The following CACNA2D3 variants were observed in gnomAD, a reference collection of about 807,000 sequenced individuals.
CACNA2D3 encodes the protein calcium voltage-gated channel auxiliary subunit alpha2delta 3, also known as voltage-dependent calcium channel subunit alpha-2/delta-3.
Under a neutral mutation model 160.6 loss-of-function variants are expected in CACNA2D3, and 60 were observed. The observed-to-expected ratio is 0.37, with a 90% confidence interval of 0.30 to 0.46. CACNA2D3 has a LOEUF of 0.46. Among genes scored for constraint, CACNA2D3 ranks in the 20% least tolerant of loss-of-function variants. CACNA2D3 has a pLI of 1.00. For missense variants in CACNA2D3, 1,205 were observed against 1,365.0 expected (o/e 0.88, Z 1.85); for synonymous variants, 558 against 492.9 (o/e 1.13, Z -1.75).
At chr3:54,568,926 T>G in intron 6 of CACNA2D3, among the ~76,000 whole-genome samples, 1 of 152,196 alleles carries the variant, frequency 6.6e-6, no homozygotes, top group East Asian at 1.9e-4. Flanking sequence ...AAAAAAAGAA[T>G]CTCAATGCCA....
intron 31 of CACNA2D3, among the ~76,000 whole-genome samples, chr3:54,994,029 A>G (rs528806824): frequency 1.2e-3 from 186 of 151,586 alleles, no homozygotes; most frequent in African/African-American, 4.2e-3. Flanking sequence ...TATTTTCCCT[A>G]TGGGATCTGG....
At chr3:54,244,912 T>C (rs767460636) in intron 2 of CACNA2D3, among the ~76,000 whole-genome samples, 4 of 152,256 alleles carry the variant, frequency 2.6e-5, no homozygotes, top group Non-Finnish European at 4.4e-5. Context: ...CTGGGATCCA[T>C]TGAAGTTCTA....
intron 13 of CACNA2D3, among the ~76,000 whole-genome samples, chr3:54,784,782 A>T (rs993009064): frequency 3.0e-4 from 46 of 152,156 alleles, no homozygotes; most frequent in Admixed American, 3.0e-3. Context: ...AGGGGACCTG[A>T]CCCCAGATGG....
intron 2 of CACNA2D3, among the ~76,000 whole-genome samples, chr3:54,220,468 A>G (rs1701546829): frequency 1.3e-5 from 2 of 152,178 alleles, no homozygotes; most frequent in African/African-American, 4.8e-5. Flanking sequence ...AAACGAAGCC[A>G]CACTCGAATG....
At chr3:54,275,182 C>T (rs1164758892) in intron 2 of CACNA2D3, among the ~76,000 whole-genome samples, 1 of 152,176 alleles carries the variant, frequency 6.6e-6, no homozygotes, top group Admixed American at 6.5e-5. Flanking sequence ...ACCCACTTTG[C>T]TGTTCCCTCT....
chr3:54,133,520 T>C (rs1434098842), intron 2 of CACNA2D3, among the ~76,000 whole-genome samples: 1 of 152,204 alleles, frequency 6.6e-6, no homozygotes, highest in Non-Finnish European at 1.5e-5. Flanking sequence ...GGTGGAAACT[T>C]CTCCACACCC....
chr3:54,967,919 A>T (rs1249026280), intron 27 of CACNA2D3, among the ~76,000 whole-genome samples: 3 of 152,178 alleles, frequency 2.0e-5, no homozygotes, highest in Non-Finnish European at 2.9e-5. Context: ...CATGGGAGAG[A>T]AGAACCTTGA....
chr3:54,382,838 G>A (rs1268397630), intron 3 of CACNA2D3, among the ~76,000 whole-genome samples: 1 of 152,168 alleles, frequency 6.6e-6, no homozygotes, highest in Non-Finnish European at 1.5e-5. Context: ...CTGTCCCCAT[G>A]ACTCAGCTTT....
intron 11 of CACNA2D3, among the ~76,000 whole-genome samples, chr3:54,707,367 G>C (rs1483827602): frequency 6.6e-6 from 1 of 152,164 alleles, no homozygotes; most frequent in Non-Finnish European, 1.5e-5. Context: ...GTTCCCATTG[G>C]CTTTTAGTTC....
chr3:54,325,932 G>T (rs1704112453), intron 3 of CACNA2D3, among the ~76,000 whole-genome samples: 1 of 152,104 alleles, frequency 6.6e-6, no homozygotes, highest in Admixed American at 6.5e-5. Context: ...AGAGTGTTTT[G>T]CTTAAAAATA....
intron 13 of CACNA2D3, among the ~76,000 whole-genome samples, chr3:54,779,470 G>A (rs538899584): frequency 1.3e-5 from 2 of 152,274 alleles, no homozygotes; most frequent in East Asian, 3.9e-4. Flanking sequence ...TGGGCATTCA[G>A]GAAATCCTTG....
At chr3:54,658,932 A>G (rs1699921643) in intron 11 of CACNA2D3, among the ~76,000 whole-genome samples, 1 of 152,054 alleles carries the variant, frequency 6.6e-6, no homozygotes, top group Non-Finnish European at 1.5e-5. Context: ...CAGGCATGCA[A>G]GATACACAAC....
intron 2 of CACNA2D3, among the ~76,000 whole-genome samples, chr3:54,198,429 A>G (rs774578945): frequency 2.0e-5 from 3 of 152,294 alleles, no homozygotes; most frequent in Middle Eastern, 3.4e-3. Flanking sequence ...ATATTTCCGT[A>G]TACCAGCTGG....
intron 13 of CACNA2D3, among the ~76,000 whole-genome samples, chr3:54,764,646 A>T (rs913299277): frequency 1.3e-5 from 2 of 152,162 alleles, no homozygotes; most frequent in Admixed American, 1.3e-4. Context: ...AAATTCTGTC[A>T]GTGTAGCAAT....
chr3:54,989,403 A>G (rs1489914601), intron 31 of CACNA2D3, among the ~76,000 whole-genome samples: 1 of 152,136 alleles, frequency 6.6e-6, no homozygotes, highest in Admixed American at 6.5e-5. Context: ...TATTTGAGAA[A>G]AAGGAAGGGC....
chr3:54,844,270 A>C (rs1698884914), intron 16 of CACNA2D3, among the ~76,000 whole-genome samples: 1 of 152,136 alleles, frequency 6.6e-6, no homozygotes, highest in Admixed American at 6.5e-5. Context: ...AAAATCCTGT[A>C]AGGTTTGGCA....
chr3:54,736,076 TATATATGTATGTGTATATATATAC>T lies in CACNA2D3; in HGVS notation c.1168-16516_1168-16493del, dbSNP rs1559563685. On this transcript the variant is annotated intron_variant, in intron 11 of 37. Coordinates refer to ENST00000474759, the MANE Select transcript of CACNA2D3 (RefSeq NM_018398.3). ...ACATATGTATGTATATATATATACA[TATATATGTATGTGTATATATATAC>T]ATATATATGTATATATATACATATA... is the stretch of plus-strand genomic sequence containing the variant. Among the ~76,000 whole-genome samples the T allele has an allele frequency of 7.0e-3, 266 of 38,124 alleles. 24 individuals carry two copies. Among genetic ancestry groups the T allele is most frequent in the Non-Finnish European group, 1.0e-2 (178 of 17,840 alleles). 25.0% of individuals were successfully genotyped at this position (38,124 alleles called of 152,430 possible).
At chr3:54,865,255 G>A (rs1372381337) in intron 17 of CACNA2D3, among the ~76,000 whole-genome samples, 2 of 152,172 alleles carry the variant, frequency 1.3e-5, no homozygotes, top group Admixed American at 6.5e-5. Context: ...GTGTTAGTAA[G>A]GGCAATATAC....
intron 13 of CACNA2D3, among the ~76,000 whole-genome samples, chr3:54,778,117 C>T (rs1222173666): frequency 1.3e-5 from 2 of 152,096 alleles, no homozygotes; most frequent in South Asian, 4.1e-4. Flanking sequence ...GGGAAGCAGG[C>T]ACGTCCTACG....
Sources: allele counts gnomAD v4.1 joint callset (sites outside exome capture counted in the v4.1 genomes callset), GRCh38; gene constraint gnomAD v4.1.1; transcripts MANE v1.5; gene names NCBI Gene and HGNC (gene_info 2026-07-23, HGNC 2026-07-21).